The following SDK1 variants were observed in gnomAD, a reference collection of about 807,000 sequenced individuals.
SDK1 encodes protein sidekick-1.
Under a neutral mutation model 245.5 loss-of-function variants are expected in SDK1, and 157 were observed. The observed-to-expected ratio is 0.64, with a 90% CI of 0.56 to 0.73. SDK1 has a LOEUF of 0.73. Ranked by LOEUF, SDK1 falls within the 30% of genes least tolerant of loss-of-function variation. The pLI, the probability that SDK1 is intolerant of heterozygous loss-of-function variation, is 0.00. For synonymous variants in SDK1, 1,647 were observed against 1,278.5 expected (o/e 1.29, Z -6.15); for missense variants, 3,583 against 3,002.3 (o/e 1.19, Z -4.52).
At chr7:4,231,769 C>A (rs1039849898) in intron 40 of SDK1, among the ~76,000 whole-genome samples, 1 of 152,146 alleles carries the variant, frequency 6.6e-6, no homozygotes, top group African/African-American at 2.4e-5. Context: ...AAATCCTCTG[C>A]AAATACAGAC....
At chr7:3,521,191 C>G (rs994547122) in intron 1 of SDK1, among the ~76,000 whole-genome samples, 4 of 152,178 alleles carry the variant, frequency 2.6e-5, no homozygotes, top group Non-Finnish European at 4.4e-5. Context: ...TGACCCTGTC[C>G]AGCAAGAGCA....
chr7:3,635,958 G>A (rs1782445934), intron 2 of SDK1, among the ~76,000 whole-genome samples: 1 of 152,154 alleles, frequency 6.6e-6, no homozygotes, highest in African/African-American at 2.4e-5. Context: ...CTTCCCATAT[G>A]TGAAAAGCAT....
chr7:4,219,375 A>C (rs1349633244), intron 38 of SDK1, among the ~76,000 whole-genome samples: 1 of 152,242 alleles, frequency 6.6e-6, no homozygotes, highest in Non-Finnish European at 1.5e-5. Flanking sequence ...TAAAGGAAAG[A>C]GATTTAATGG....
chr7:3,692,044 A>G (rs1784450212), intron 4 of SDK1, among the ~76,000 whole-genome samples: 1 of 152,130 alleles, frequency 6.6e-6, no homozygotes, highest in African/African-American at 2.4e-5. Flanking sequence ...AGGCACTCAG[A>G]ATATAGCTGT....
intron 2 of SDK1, among the ~76,000 whole-genome samples, chr7:3,634,141 G>C (rs150746973): frequency 1.3e-5 from 2 of 152,288 alleles, no homozygotes; most frequent in African/African-American, 4.8e-5. Context: ...GGAATATCCA[G>C]ATGTGGTCTT....
Position 3,905,922 on chromosome 7 carries a change from C to T in SDK1, c.848-45001C>T, listed in dbSNP as rs143950998. ...TGCAGGTATGAGCCACTGTACCTGG[C>T]CTCAGTTTCAAAATTCTTAGCCTTA... On this transcript the variant is annotated intron_variant, in intron 5 of 44. Coordinates refer to ENST00000404826, the MANE Select transcript of SDK1 (RefSeq NM_152744.4). Among the ~76,000 whole-genome samples the T allele has an allele frequency of 3.7e-4, 57 of 152,298 alleles. No individual in the cohort carries two copies. The East Asian group carries it at 9.3e-3, about 25-fold the overall frequency.
chr7:3,470,990 C>T (rs1398290567), intron 1 of SDK1, among the ~76,000 whole-genome samples: 5 of 152,128 alleles, frequency 3.3e-5, no homozygotes, highest in African/African-American at 7.2e-5. Context: ...TTCTTTCCTC[C>T]TCCTTATAAA....
chr7:4,169,377 C>G (rs1033556971), intron 32 of SDK1, among the ~76,000 whole-genome samples: 1 of 152,216 alleles, frequency 6.6e-6, no homozygotes, highest in African/African-American at 2.4e-5. Flanking sequence ...CCACCCAGAC[C>G]TGCCCCTGCC....
At chr7:3,671,548 G>C (rs1783701088) in intron 4 of SDK1, among the ~76,000 whole-genome samples, 1 of 152,120 alleles carries the variant, frequency 6.6e-6, no homozygotes, top group Non-Finnish European at 1.5e-5. Flanking sequence ...CAAATGTGTA[G>C]TCTGTATGAT....
intron 35 of SDK1, among the ~76,000 whole-genome samples, chr7:4,193,234 A>G (rs1052845398): frequency 1.5e-5 from 2 of 132,808 alleles, no homozygotes; most frequent in African/African-American, 2.8e-5. Flanking sequence ...TATTAATTGT[A>G]TAAATATACA....
intron 1 of SDK1, among the ~76,000 whole-genome samples, chr7:3,605,686 A>T (rs1204277369): frequency 1.3e-5 from 2 of 152,176 alleles, no homozygotes; most frequent in African/African-American, 2.4e-5. Flanking sequence ...TTGGGATACC[A>T]ACTGGGTATA....
In SDK1 at chr7:3,527,171, A is replaced by G. The variant is rs1425479916; in HGVS notation, c.299-91909A>G. 2.6e-5 allele frequency among the ~76,000 whole-genome samples: 4 copies of G among 152,200 alleles called. No homozygotes were observed. The East Asian group carries it at 7.7e-4, about 29-fold the overall frequency. The stretch of plus-strand genomic sequence containing the variant: ...ATATACACATTTCTTTTAATGTGTC[A>G]GCATAGCAAATATTTTCCAAATGTC... On this transcript the variant is annotated intron_variant, in intron 1 of 44. Transcript: ENST00000404826.
intron 4 of SDK1, among the ~76,000 whole-genome samples, chr7:3,693,227 T>G (rs1031907993): frequency 4.6e-5 from 7 of 152,282 alleles, no homozygotes; most frequent in African/African-American, 1.7e-4. Context: ...AATTTTTTTC[T>G]TCATTATCTC....
intron 1 of SDK1, among the ~76,000 whole-genome samples, chr7:3,365,646 A>G (rs1241039219): frequency 1.3e-5 from 2 of 152,212 alleles, no homozygotes; most frequent in Admixed American, 6.5e-5. Flanking sequence ...AAAATTTAAG[A>G]TTTCCTTGCA....
intron 4 of SDK1, among the ~76,000 whole-genome samples, chr7:3,659,578 A>T (rs1260936602): frequency 6.6e-6 from 1 of 152,116 alleles, no homozygotes; most frequent in East Asian, 1.9e-4. Flanking sequence ...GCCCAAAGTG[A>T]CGTCGGCAGG....
chr7:4,018,448 T>A (rs117269146), intron 17 of SDK1, among the ~76,000 whole-genome samples: 1,706 of 152,304 alleles, frequency 0.011, 23 homozygotes, highest in Admixed American at 0.027. Context: ...AGAAGAAATA[T>A]TTAAAATGCA....
In SDK1 at chr7:3,811,397, G is replaced by C. The variant is rs146313918; in HGVS notation, c.714-10053G>C. 3.9e-5 allele frequency among the ~76,000 whole-genome samples: 6 copies of C among 152,248 alleles called. No homozygotes were observed. In the East Asian group the frequency reaches 1.2e-3, roughly 29 times the overall value. On this transcript the variant is annotated intron_variant, in intron 4 of 44. Coordinates refer to ENST00000404826, the MANE Select transcript of SDK1 (RefSeq NM_152744.4). Reference sequence around the variant, plus strand: ...TGTCAACTGTGATCATCTTGTTCTGGTAGAAAAGTGAGGTGTCTTCTCTGC... The same window carrying C: ...TGTCAACTGTGATCATCTTGTTCTGCTAGAAAAGTGAGGTGTCTTCTCTGC...
intron 4 of SDK1, among the ~76,000 whole-genome samples, chr7:3,703,165 GACATTCTAGAAGCTTTC>G (rs1362159768): frequency 6.6e-6 from 1 of 151,976 alleles, no homozygotes; most frequent in Non-Finnish European, 1.5e-5. Context: ...TATGCTTCTG[GACATTCTAGAAGCTTTC>G]ATTGTAATGG....
intron 29 of SDK1, among the ~76,000 whole-genome samples, chr7:4,148,914 G>A (rs1239588834): frequency 1.3e-5 from 2 of 152,138 alleles, no homozygotes; most frequent in East Asian, 1.9e-4. Context: ...AAATTAGCTG[G>A]GCGTGGTGGT....
Sources: gnomAD v4.1 joint callset for allele counts (sites outside exome capture counted in the v4.1 genomes callset) on GRCh38, gnomAD v4.1.1 for gene constraint, MANE v1.5 for transcripts, NCBI Gene and HGNC (gene_info 2026-07-23, HGNC 2026-07-21) for gene names.